KLHL2: variants seen among roughly 807,000 people sequenced by gnomAD.
KLHL2 encodes kelch like family member 2, also known as kelch-like protein 2.
Under a neutral mutation model 75.8 loss-of-function variants are expected in KLHL2, and 15 were observed. That is an observed-to-expected ratio of 0.20 (90% confidence interval 0.13 to 0.30). The LOEUF is 0.30. Ranked by LOEUF, KLHL2 falls within the 10% of genes least tolerant of loss-of-function variation. KLHL2 has a pLI of 1.00. For synonymous variants in KLHL2, 214 were observed against 251.9 expected, an observed-to-expected ratio of 0.85 and a Z score of 1.42; for missense variants, 381 against 741.0, an observed-to-expected ratio of 0.51 and a Z score of 5.64.
intron 5 of KLHL2, among the ~76,000 whole-genome samples, chr4:165,284,499 T>C (rs1439364564): frequency 6.6e-6 from 1 of 152,204 alleles, no homozygotes; most frequent in East Asian, 1.9e-4. Flanking sequence ...AACAAGTTTC[T>C]CATCTCCATA....
intron 5 of KLHL2, chr4:165,278,514 C>T: frequency 6.2e-7 from 1 of 1,608,520 alleles, no homozygotes; most frequent in African/African-American, 1.3e-5. Context: ...CAGATTATCC[C>T]TCTTGCGCTG....
chr4:165,243,748 A>G (rs980236535), intron 4 of KLHL2, among the ~76,000 whole-genome samples: 9 of 152,206 alleles, frequency 5.9e-5, no homozygotes, highest in African/African-American at 2.2e-4. Context: ...AGTATGCTGT[A>G]TAGATAGTGT....
chr4:165,279,705 G>C (rs1425656246), intron 5 of KLHL2: 6 of 1,355,924 alleles, frequency 4.4e-6, no homozygotes, highest in African/African-American at 2.9e-5. Context: ...GGCGGCGGGA[G>C]GGGGAGGGGA....
At chr4:165,252,408 G>T (rs1466483276) in intron 4 of KLHL2, among the ~76,000 whole-genome samples, 2 of 151,776 alleles carry the variant, frequency 1.3e-5, no homozygotes, top group Non-Finnish European at 2.9e-5. Context: ...CCAGCCAAAG[G>T]TTTTATAAAC....
chr4:165,313,965 C>A, intron 12 of KLHL2, 61 bp from the exon 13 acceptor site: 1 of 1,522,626 alleles, frequency 6.6e-7, no homozygotes, highest in Non-Finnish European at 8.9e-7. Context: ...TTAAATAAAC[C>A]TAATATGATA....
chr4:165,260,832 T>C (rs985895106), intron 4 of KLHL2, among the ~76,000 whole-genome samples: 1 of 152,218 alleles, frequency 6.6e-6, no homozygotes, highest in Admixed American at 6.5e-5. Flanking sequence ...AGCATATCTA[T>C]AGGTTAAATT....
chr4:165,277,963 G>A, intron 5 of KLHL2: 1 of 1,074,744 alleles, frequency 9.3e-7, no homozygotes, highest in Non-Finnish European at 1.5e-6. Context: ...CGCATCTTGG[G>A]AATCCATGAG....
At chr4:165,223,469 C>T (rs1332918158) in intron 2 of KLHL2, among the ~76,000 whole-genome samples, 2 of 152,156 alleles carry the variant, frequency 1.3e-5, no homozygotes, top group Non-Finnish European at 1.5e-5. Flanking sequence ...GGAAGGTCTT[C>T]CTGGCATGAT....
chr4:165,222,894 T>G (rs748832916), intron 2 of KLHL2, among the ~76,000 whole-genome samples: 4 of 152,226 alleles, frequency 2.6e-5, no homozygotes, highest in Non-Finnish European at 5.9e-5. Context: ...CCGAACAATG[T>G]TAATGTGAAC....
chr4:165,212,952 A>G (rs1737298818), intron 1 of KLHL2, among the ~76,000 whole-genome samples: 1 of 152,150 alleles, frequency 6.6e-6, no homozygotes, highest in South Asian at 2.1e-4. Context: ...TGAACTTCTC[A>G]CATCTCTACT....
chr4:165,209,546 A>G (rs1737062022), intron 1 of KLHL2: 3 of 152,254 alleles, frequency 2.0e-5, no homozygotes, highest in Admixed American at 2.0e-4. Flanking sequence ...ATAATAAAAA[A>G]TAGAATTGAT....
intron 1 of KLHL2, among the ~76,000 whole-genome samples, chr4:165,215,144 G>A (rs888859239): frequency 2.6e-5 from 4 of 151,030 alleles, no homozygotes; most frequent in African/African-American, 7.3e-5. Flanking sequence ...AAAATTTGCA[G>A]TGTGTCTCTT....
intron 5 of KLHL2, among the ~76,000 whole-genome samples, chr4:165,266,644 AT>A (rs1046237072): frequency 2.0e-5 from 3 of 152,004 alleles, no homozygotes; most frequent in African/African-American, 7.3e-5. Flanking sequence ...GTGTGGTGTT[AT>A]TTCTGAGGCC....
chr4:165,266,807 T>C (rs1427084946), intron 5 of KLHL2, among the ~76,000 whole-genome samples: 1 of 152,226 alleles, frequency 6.6e-6, no homozygotes, highest in East Asian at 1.9e-4. Flanking sequence ...ATGTGGGCTC[T>C]TTTTTGTTTC....
intron 5 of KLHL2, chr4:165,278,900 T>A: frequency 7.1e-7 from 1 of 1,414,618 alleles, no homozygotes; most frequent in Non-Finnish European, 1.0e-6. Flanking sequence ...TGGCACACCT[T>A]CCAAGGCCCC....
intron 9 of KLHL2, among the ~76,000 whole-genome samples, chr4:165,308,220 A>G (rs1006118873): frequency 5.3e-5 from 8 of 152,026 alleles, no homozygotes; most frequent in Admixed American, 1.3e-4. Flanking sequence ...TAGGTGTTTT[A>G]TCTTTATCGT....
rs1746107542 is a variant in KLHL2 at position 165,310,849 on chromosome 4, T to G, written c.1237+99T>G. 6 of 933,364 alleles carry G rather than the reference T, an allele frequency of 6.4e-6. No homozygotes were observed. In the South Asian group the frequency reaches 8.9e-5, roughly 14 times the overall value. The allele number at this position is 933,364 out of a possible 1,614,324, so 57.8% of individuals were successfully genotyped here. ...GCAACATTAGGGCACATGTGAGGTTTTTTGTGTTTTTTTTTTTTTTTTTGA... is the reference window on the plus strand; with the variant it reads ...GCAACATTAGGGCACATGTGAGGTTGTTTGTGTTTTTTTTTTTTTTTTTGA... On this transcript the variant is annotated intron_variant, in intron 10 of 14. Coordinates refer to ENST00000226725, the MANE Select transcript of KLHL2 (RefSeq NM_007246.4).
intron 2 of KLHL2, 90 bp from the exon 3 acceptor site, chr4:165,228,717 A>G: frequency 1.4e-6 from 1 of 717,498 alleles, no homozygotes; most frequent in South Asian, 1.7e-5. Flanking sequence ...ACTTGATGAA[A>G]GTGGGCTTTA....
At chr4:165,311,608 C>A in intron 11 of KLHL2, 43 bp downstream of exon 11, 1 of 1,369,632 alleles carries the variant, frequency 7.3e-7, no homozygotes, top group Non-Finnish European at 1.0e-6. Context: ...GCATTTTGAT[C>A]CTTGAGAGTG....
Sources: allele counts gnomAD v4.1 joint callset (sites outside exome capture counted in the v4.1 genomes callset), GRCh38; gene constraint gnomAD v4.1.1; transcripts MANE v1.5; gene names NCBI Gene and HGNC (gene_info 2026-07-23, HGNC 2026-07-21).